Variants in PWP1 observed in about 807,000 individuals in gnomAD.
PWP1 encodes periodic tryptophan protein 1 homolog.
In PWP1, 47 loss-of-function variants were observed where a neutral mutation model predicts 69.9. That is an observed-to-expected ratio of 0.67 (90% confidence interval 0.53 to 0.86). The LOEUF is 0.86. Ranked by LOEUF, PWP1 falls within the 40% of genes least tolerant of loss-of-function variation. The probability of loss-of-function intolerance (pLI) is 0.00; values close to 1 mark genes in which losing one functional copy is unlikely to be tolerated. For missense variants in PWP1, 551 were observed against 608.8 expected (o/e 0.91, Z 1.00); for synonymous variants, 222 against 208.2 (o/e 1.07, Z -0.57).
At chr12:107,687,297 T>A (rs1889389721) in intron 1 of PWP1, among the ~76,000 whole-genome samples, 2 of 152,210 alleles carry the variant, frequency 1.3e-5, no homozygotes, top group Admixed American at 6.5e-5. Flanking sequence ...GAAAATTATT[T>A]CATATAAAAA....
rs1159772266 is a variant in PWP1 at position 107,698,958 on chromosome 12, A to G, written c.745-415A>G. ...GGTTTTATTTATTTTATTCTTCAAA[A>G]GTTTATATAATATCAAAACAATAGG... On this transcript the variant is annotated intron_variant, in intron 7 of 14. Coordinates refer to ENST00000412830, the MANE Select transcript of PWP1 (RefSeq NM_007062.3). Among the ~76,000 whole-genome samples the G allele has an allele frequency of 2.6e-5, 4 of 152,268 alleles. No homozygotes were observed. In the East Asian group the frequency reaches 7.7e-4, roughly 29 times the overall value.
chr12:107,709,373 A>G (rs1889896918), intron 13 of PWP1, 141 bp downstream of exon 13: 3 of 1,151,554 alleles, frequency 2.6e-6, no homozygotes, highest in South Asian at 3.2e-5. Flanking sequence ...TTTTGAGTTT[A>G]GTCAAATTTG....
At chr12:107,702,870 C>T in intron 8 of PWP1, 65 bp from the exon 9 acceptor site, 2 of 998,312 alleles carry the variant, frequency 2.0e-6, no homozygotes, top group Non-Finnish European at 3.2e-6. Flanking sequence ...AAATGCAATC[C>T]TTTTCTCATA....
chr12:107,691,833 A>G (rs989959535), intron 3 of PWP1, among the ~76,000 whole-genome samples: 3 of 152,034 alleles, frequency 2.0e-5, no homozygotes, highest in South Asian at 2.1e-4. Context: ...ATGGATTACT[A>G]TTAACTTCAT....
Position 107,696,495 on chromosome 12 carries a change from CTT to C in PWP1, c.528_529del (p.Phe176LeufsTer5), listed in dbSNP as rs771937374. 26 of 1,613,886 alleles carry C rather than the reference CTT, an allele frequency of 1.6e-5. No individual in the cohort carries two copies. Among genetic ancestry groups the C allele is most frequent in the Non-Finnish European group, 2.2e-5 (26 of 1,179,946 alleles). On this transcript the variant is annotated frameshift_variant, in exon 6 of 15. Coordinates refer to ENST00000412830, the MANE Select transcript of PWP1 (RefSeq NM_007062.3). LOFTEE classifies it high-confidence loss of function. ...TCAGTTTATAATCAAGAAGAAGACT[CTT>C]TTTATGTACACCATGATATACTCTT...
chr12:107,695,073 G>GT (rs1299739910), intron 5 of PWP1, among the ~76,000 whole-genome samples: 2 of 148,900 alleles, frequency 1.3e-5, no homozygotes, highest in Non-Finnish European at 3.0e-5. Context: ...GGCTAACACG[G>GT]TAAAACCCAG....
intron 11 of PWP1, among the ~76,000 whole-genome samples, chr12:107,706,049 TC>T (rs1359358276): frequency 6.6e-6 from 1 of 152,204 alleles, no homozygotes; most frequent in African/African-American, 2.4e-5. Flanking sequence ...TCCACATCTC[TC>T]CAGCACCTGT....
intron 3 of PWP1, among the ~76,000 whole-genome samples, chr12:107,692,050 A>G (rs1593141974): frequency 6.6e-6 from 1 of 152,222 alleles, no homozygotes; most frequent in Non-Finnish European, 1.5e-5. Flanking sequence ...TGTTAGGGAC[A>G]GAGTGCCATA....
At chr12:107,708,439 C>A (rs1010471924) in intron 11 of PWP1, among the ~76,000 whole-genome samples, 1 of 151,924 alleles carries the variant, frequency 6.6e-6, no homozygotes, top group Non-Finnish European at 1.5e-5. Flanking sequence ...TTCTTTCTTT[C>A]TTGACAGTGT....
At chr12:107,696,420 G>C in intron 5 of PWP1, 54 bp from the exon 6 acceptor site, 1 of 1,590,360 alleles carries the variant, frequency 6.3e-7, no homozygotes, top group Middle Eastern at 2.0e-4. Context: ...AGCGGGATGT[G>C]ATTTTTGATG....
chr12:107,708,115 T>C (rs1768116476), intron 11 of PWP1, among the ~76,000 whole-genome samples: 1 of 152,160 alleles, frequency 6.6e-6, no homozygotes. Context: ...ACTTGAATGT[T>C]GTGTTGTACT....
chr12:107,696,635 C>A (rs1289019287), intron 6 of PWP1, 51 bp downstream of exon 6: 1 of 1,603,016 alleles, frequency 6.2e-7, no homozygotes, highest in Non-Finnish European at 8.5e-7. Context: ...TATGTATTTT[C>A]TCCTAGCTCC....
At chr12:107,697,080 G>A (rs752480182) in intron 6 of PWP1, among the ~76,000 whole-genome samples, 9 of 152,172 alleles carry the variant, frequency 5.9e-5, no homozygotes, top group Admixed American at 1.3e-4. Context: ...ACTGTCTTAC[G>A]TCTTGTTTGC....
rs772102868 is a variant in PWP1 at position 107,712,504 on chromosome 12, A to G, written c.*284A>G. 1.1e-4 allele frequency: 25 copies of G among 222,738 alleles called. No homozygotes were observed. Among genetic ancestry groups the G allele is most frequent in the Non-Finnish European group, 4.4e-5 (5 of 113,428 alleles). The allele number at this position is 222,738 out of a possible 1,614,324, so 13.8% of individuals were successfully genotyped here. ...ATACCATCTGTCACAGTTAATCTAG[A>G]TTTGTAAATAGGTAGTAATTTATAG... On this transcript the variant is annotated 3_prime_UTR_variant, in exon 15 of 15. Coordinates refer to ENST00000412830, the MANE Select transcript of PWP1 (RefSeq NM_007062.3).
chr12:107,710,340 T>G, intron 13 of PWP1, 65 bp from the exon 14 acceptor site: 1 of 1,583,188 alleles, frequency 6.3e-7, no homozygotes, highest in Non-Finnish European at 8.6e-7. Flanking sequence ...GAGACAACAG[T>G]GAGGATCTAG....
chr12:107,704,159 T>G (rs1440574324), intron 10 of PWP1, among the ~76,000 whole-genome samples: 1 of 152,240 alleles, frequency 6.6e-6, no homozygotes, highest in Non-Finnish European at 1.5e-5. Flanking sequence ...AAACCAACTT[T>G]GCAGTCTTTA....
chr12:107,697,735 A>G (rs754804944), intron 7 of PWP1, 138 bp downstream of exon 7: 2 of 912,196 alleles, frequency 2.2e-6, no homozygotes, highest in Non-Finnish European at 3.4e-6. Context: ...AATTATTGTA[A>G]TTTTTAGTTT....
At chr12:107,711,845 G>A (rs887895061) in intron 14 of PWP1, among the ~76,000 whole-genome samples, 1 of 152,106 alleles carries the variant, frequency 6.6e-6, no homozygotes, top group Admixed American at 6.6e-5. Context: ...GGCCAGGAGA[G>A]GGTCACTTAT....
At position 107,692,897 on chromosome 12, in the gene PWP1, A is replaced by G; in HGVS notation, c.403A>G (p.Thr135Ala). 6.2e-7 allele frequency: 1 copy of G among 1,614,000 alleles called. No homozygotes were observed. Among genetic ancestry groups the G allele is most frequent in the South Asian group, 1.1e-5 (1 of 91,054 alleles). Residue 135 changes from threonine (T) to alanine (A), a missense_variant and splice_region_variant, in exon 4 of 15, where the codon ACA becomes GCA. Coordinates refer to ENST00000412830, the MANE Select transcript of PWP1 (RefSeq NM_007062.3). Reference protein sequence around the residue: ...DQDPYVTLKDTEQYEREDFLI... With the variant: ...DQDPYVTLKDAEQYEREDFLI... ...AGATCCTTACGTTACTCTGAAAGAT[A>G]CAGTAAGTATTTACATCTTTTTTCT...
Sources: allele counts gnomAD v4.1 joint callset (sites outside exome capture counted in the v4.1 genomes callset), GRCh38; gene constraint gnomAD v4.1.1; transcripts MANE v1.5; gene names NCBI Gene and HGNC (gene_info 2026-07-23, HGNC 2026-07-21).